The following ZSCAN25 variants were observed in gnomAD, a reference collection of about 807,000 sequenced individuals.
ZSCAN25 encodes the protein zinc finger and SCAN domain-containing protein 25.
In ZSCAN25, 27 loss-of-function variants were observed where a neutral mutation model predicts 38.7. The ratio of observed to expected loss-of-function variants is 0.70; its 90% CI spans 0.51 to 0.96. The LOEUF (loss-of-function observed/expected upper bound fraction) is 0.96, where lower values mean the gene tolerates loss of function less well. Among genes scored for constraint, ZSCAN25 ranks in the 40% least tolerant of loss-of-function variants. ZSCAN25 has a pLI of 0.00. For missense variants in ZSCAN25, 637 were observed against 705.9 expected (o/e 0.90, Z 1.11); for synonymous variants, 273 against 277.7 (o/e 0.98, Z 0.17).
intron 7 of ZSCAN25, chr7:99,624,430 A>C (rs1807281865): frequency 5.8e-6 from 3 of 517,250 alleles, no homozygotes; most frequent in Admixed American, 6.3e-5. Context: ...GAGGACCCCC[A>C]AACACCTACA....
At chr7:99,660,034 C>G in the ZSCAN25 span, 1 of 207,872 alleles carries the variant, frequency 4.8e-6, no homozygotes, top group Non-Finnish European at 8.4e-6. Context: ...ATGCCTCGCC[C>G]TGCTTTGGCT....
intron 7 of ZSCAN25, among the ~76,000 whole-genome samples, chr7:99,628,622 C>T (rs1480901128): frequency 6.6e-6 from 1 of 152,198 alleles, no homozygotes; most frequent in Non-Finnish European, 1.5e-5. Context: ...AAGCATCTTC[C>T]CTGAGTCAGT....
At chr7:99,731,918 G>A in the ZSCAN25 span, among the ~76,000 whole-genome samples, 2 of 152,186 alleles carry the variant, frequency 1.3e-5, no homozygotes. Flanking sequence ...GAATGACACT[G>A]TGCAGAAGAA....
the ZSCAN25 span, chr7:99,715,602 A>AAAT: frequency 7.5e-7 from 1 of 1,328,200 alleles, no homozygotes; most frequent in Admixed American, 2.0e-5. Flanking sequence ...GAAGTGTTTT[A>AAAT]AAGTTTACAA....
At chr7:99,638,753 G>A in the ZSCAN25 span, 2 of 1,106,430 alleles carry the variant, frequency 1.8e-6, no homozygotes, top group Non-Finnish European at 2.8e-6. Context: ...ATTTTGCATA[G>A]CACTTTCCCC....
At chr7:99,677,271 TG>T in the ZSCAN25 span, 1 of 984,768 alleles carries the variant, frequency 1.0e-6, no homozygotes, top group Admixed American at 6.1e-5. Flanking sequence ...AGGAAGAGGT[TG>T]CCAGACACTG....
At chr7:99,676,686 C>G in the ZSCAN25 span, 1 of 597,298 alleles carries the variant, frequency 1.7e-6, no homozygotes, top group Admixed American at 2.1e-5. Flanking sequence ...GTGACACTGC[C>G]CTTACAATTT....
chr7:99,685,242 C>G, the ZSCAN25 span: 2 of 1,613,268 alleles, frequency 1.2e-6, no homozygotes, highest in Admixed American at 3.3e-5. Flanking sequence ...GGATCTGCAA[C>G]AGTTAAACAA....
chr7:99,736,970 C>T, the ZSCAN25 span, among the ~76,000 whole-genome samples: 1 of 152,120 alleles, frequency 6.6e-6, no homozygotes, highest in East Asian at 1.9e-4. Flanking sequence ...TCTGGAATCC[C>T]TGGAATAATG....
the ZSCAN25 span, chr7:99,717,134 G>C: frequency 6.2e-7 from 1 of 1,612,856 alleles, no homozygotes; most frequent in Non-Finnish European, 8.5e-7. Flanking sequence ...CAGCTGGAGG[G>C]GCTCATGACA....
Position 99,619,928 on chromosome 7 carries a change from G to A in ZSCAN25, c.322G>A (p.Glu108Lys). The change falls in exon 4 of 8, where the codon GAG becomes AAG. Residue 108 changes from glutamate to lysine, a missense_variant. By Grantham distance (56) the Glu-to-Lys change is moderately conservative. Transcript: ENST00000394152. ...FYAWIREHGP[E>K]SGKALAAMVE... ...CGCCTGGATCCGGGAGCATGGCCCA[G>A]AGAGTGGCAAGGCCCTGGCCGCCAT... 6.2e-7 allele frequency: 1 copy of A among 1,614,246 alleles called. No individual in the cohort carries two copies. The highest frequency in any genetic ancestry group is 2.2e-5 in the East Asian group (1 of 44,884).
At chr7:99,664,171 T>G in the ZSCAN25 span, 2 of 1,173,694 alleles carry the variant, frequency 1.7e-6, no homozygotes, top group Non-Finnish European at 2.5e-6. Context: ...TAATTTTCTC[T>G]ACCAGTAATA....
the ZSCAN25 span, among the ~76,000 whole-genome samples, chr7:99,698,160 C>T: frequency 6.6e-6 from 1 of 152,168 alleles, no homozygotes; most frequent in African/African-American, 2.4e-5. Flanking sequence ...ATTGTGTTGG[C>T]CTAAGGAGGG....
chr7:99,641,208 A>G, the ZSCAN25 span, among the ~76,000 whole-genome samples: 1 of 152,278 alleles, frequency 6.6e-6, no homozygotes, highest in East Asian at 1.9e-4. Context: ...TTCCTCAGGG[A>G]TAGGGAGGCC....
chr7:99,645,268 C>T, the ZSCAN25 span, among the ~76,000 whole-genome samples: 7 of 152,274 alleles, frequency 4.6e-5, no homozygotes, highest in African/African-American at 1.2e-4. Context: ...GGATTACAGG[C>T]GTGAGCCACT....
chr7:99,651,940 T>TTAGGGA, the ZSCAN25 span, among the ~76,000 whole-genome samples: 1 of 152,108 alleles, frequency 6.6e-6, no homozygotes. Flanking sequence ...GCTTAAACCA[T>TTAGGGA]TAGGGATGAG....
At chr7:99,663,115 T>G in the ZSCAN25 span, 3 of 1,242,384 alleles carry the variant, frequency 2.4e-6, no homozygotes, top group South Asian at 3.9e-5. Context: ...CTTTTTCGCC[T>G]TTGCCCTCCC....
At chr7:99,646,797 TACACAC>T in the ZSCAN25 span, among the ~76,000 whole-genome samples, 4,285 of 142,118 alleles carry the variant, frequency 0.03, 153 homozygotes, top group African/African-American at 0.084. Context: ...ATATGTTTTA[TACACAC>T]ACACACACAC....
intron 2 of ZSCAN25, 57 bp from the exon 3 acceptor site, chr7:99,618,991 C>G (rs1562962279): frequency 6.6e-6 from 1 of 152,260 alleles, no homozygotes; most frequent in African/African-American, 2.4e-5. Flanking sequence ...TTTAGAAAAG[C>G]CTTCTTCAAG....
Sources: gnomAD v4.1 joint callset for allele counts (sites outside exome capture counted in the v4.1 genomes callset) on GRCh38, gnomAD v4.1.1 for gene constraint, MANE v1.5 for transcripts, NCBI Gene and HGNC (gene_info 2026-07-23, HGNC 2026-07-21) for gene names.